OR9Q1: variants seen among roughly 807,000 people sequenced by gnomAD.
The protein encoded by OR9Q1 is olfactory receptor family 9 subfamily Q member 1.
For synonymous variants in OR9Q1, 153 were observed against 148.6 expected (o/e 1.03, Z -0.22); for missense variants, 374 against 378.8 (o/e 0.99, Z 0.11).
At chr11:58,129,727 GA>G (rs1166388850) in intron 2 of OR9Q1, among the ~76,000 whole-genome samples, 3 of 152,102 alleles carry the variant, frequency 2.0e-5, no homozygotes, top group African/African-American at 7.2e-5. Context: ...CTGACCTCCA[GA>G]AGTTCCCTTT....
Position 58,031,471 on chromosome 11 carries a change from T to C in OR9Q1, c.-93+7367T>C, listed in dbSNP as rs758589369. ...ACCTCTTGTCTCAGCTAACATTTTA[T>C]GGCCCAAATGTCATTGACCATTTCT... On this transcript the variant is annotated intron_variant, in intron 1 of 2. Transcript: ENST00000335397. 2.8e-5 allele frequency: 46 copies of C among 1,614,184 alleles called. 1 individual carries two copies. In the South Asian group the frequency reaches 4.8e-4, roughly 17 times the overall value.
intron 2 of OR9Q1, among the ~76,000 whole-genome samples, chr11:58,135,277 A>G (rs1854179158): frequency 6.6e-6 from 1 of 152,140 alleles, no homozygotes; most frequent in South Asian, 2.1e-4. Flanking sequence ...ATGGCCAACT[A>G]AAGTTTTTTT....
intron 2 of OR9Q1, among the ~76,000 whole-genome samples, chr11:58,110,420 C>A (rs1384217019): frequency 6.6e-6 from 1 of 152,094 alleles, no homozygotes; most frequent in Non-Finnish European, 1.5e-5. Flanking sequence ...AGTTTCTTTT[C>A]TTGAGGGACC....
intron 2 of OR9Q1, among the ~76,000 whole-genome samples, chr11:58,128,789 AC>A (rs1479904756): frequency 7.9e-5 from 12 of 152,222 alleles, no homozygotes; most frequent in African/African-American, 2.7e-4. Flanking sequence ...ATATGTCAAA[AC>A]ATCGCATAAA....
At chr11:58,054,152 G>T (rs895844694) in intron 1 of OR9Q1, among the ~76,000 whole-genome samples, 42 of 152,244 alleles carry the variant, frequency 2.8e-4, no homozygotes, top group African/African-American at 1.0e-3. Flanking sequence ...AGCTGAAAAA[G>T]AAATAGTAGA....
intron 2 of OR9Q1, among the ~76,000 whole-genome samples, chr11:58,111,924 T>C (rs920553556): frequency 1.3e-5 from 2 of 152,170 alleles, no homozygotes; most frequent in Non-Finnish European, 2.9e-5. Flanking sequence ...ATGTAATCTA[T>C]GCTTCAGGAC....
chr11:58,172,169 G>A (rs1001677656), intron 2 of OR9Q1, among the ~76,000 whole-genome samples: 1 of 152,136 alleles, frequency 6.6e-6, no homozygotes, highest in Non-Finnish European at 1.5e-5. Context: ...TATTTTGTTT[G>A]AATGATTTGT....
chr11:58,030,671 C>T (rs960529809), intron 1 of OR9Q1, among the ~76,000 whole-genome samples: 29 of 152,176 alleles, frequency 1.9e-4, no homozygotes, highest in African/African-American at 7.0e-4. Flanking sequence ...ACAGTCTTCC[C>T]TCCAGGAAGA....
At chr11:58,055,456 T>C (rs1223233789) in intron 1 of OR9Q1, among the ~76,000 whole-genome samples, 3 of 152,088 alleles carry the variant, frequency 2.0e-5, no homozygotes. Context: ...GGTGGGGCAG[T>C]TTCAGAGGTG....
chr11:58,094,371 C>T (rs570085652), intron 2 of OR9Q1, among the ~76,000 whole-genome samples: 39 of 152,200 alleles, frequency 2.6e-4, no homozygotes, highest in Non-Finnish European at 5.1e-4. Flanking sequence ...TCTAAAAGCC[C>T]CAATTTCACT....
chr11:58,107,629 C>A (rs1011444451), intron 2 of OR9Q1, among the ~76,000 whole-genome samples: 3 of 152,060 alleles, frequency 2.0e-5, no homozygotes, highest in African/African-American at 4.8e-5. Context: ...ATATACCTAG[C>A]AATGGGATCT....
At chr11:58,031,141 CT>C (rs1194579464) in intron 1 of OR9Q1, 2 of 1,614,108 alleles carry the variant, frequency 1.2e-6, no homozygotes, top group African/African-American at 1.3e-5. Context: ...CCATGTATTT[CT>C]TCCTGACACA....
At chr11:58,147,888 C>T (rs946609607) in intron 2 of OR9Q1, among the ~76,000 whole-genome samples, 21 of 152,136 alleles carry the variant, frequency 1.4e-4, no homozygotes, top group African/African-American at 4.8e-4. Context: ...ATAGATTCTA[C>T]ACATATTCTC....
intron 2 of OR9Q1, among the ~76,000 whole-genome samples, chr11:58,138,480 TA>T (rs1448928850): frequency 1.3e-5 from 2 of 152,230 alleles, no homozygotes; most frequent in Non-Finnish European, 2.9e-5. Flanking sequence ...ATACTTTTTG[TA>T]ATAATTTTGG....
chr11:58,062,544 G>A (rs947984887), intron 2 of OR9Q1, among the ~76,000 whole-genome samples: 1 of 152,068 alleles, frequency 6.6e-6, no homozygotes, highest in African/African-American at 2.4e-5. Flanking sequence ...ACACTCCTAG[G>A]TCTAGATCCC....
intron 2 of OR9Q1, chr11:58,119,316 C>G (rs1487105843): frequency 3.1e-5 from 50 of 1,613,726 alleles, no homozygotes; most frequent in Non-Finnish European, 3.6e-5. Context: ...TAATCATCCC[C>G]ACATTCCCAA....
At chr11:58,155,634 G>A (rs1217468147) in intron 2 of OR9Q1, among the ~76,000 whole-genome samples, 3 of 152,170 alleles carry the variant, frequency 2.0e-5, no homozygotes, top group African/African-American at 7.2e-5. Flanking sequence ...GAATCAGGAA[G>A]ACCTGGATTT....
At chr11:58,137,343 C>T (rs775197743) in intron 2 of OR9Q1, among the ~76,000 whole-genome samples, 12 of 152,078 alleles carry the variant, frequency 7.9e-5, no homozygotes, top group Admixed American at 3.9e-4. Context: ...GATGGCCCTC[C>T]GGGGGTGCAG....
At chr11:58,060,833 C>A (rs966311591) in intron 2 of OR9Q1, among the ~76,000 whole-genome samples, 27 of 151,514 alleles carry the variant, frequency 1.8e-4, no homozygotes, top group Non-Finnish European at 3.8e-4. Context: ...GAACAAAACA[C>A]AGTGTGGCCT....
Sources: allele counts gnomAD v4.1 joint callset (sites outside exome capture counted in the v4.1 genomes callset), GRCh38; gene constraint gnomAD v4.1.1; transcripts MANE v1.5; gene names NCBI Gene and HGNC (gene_info 2026-07-23, HGNC 2026-07-21).